TXNRD1: variants seen among roughly 807,000 people sequenced by gnomAD.
TXNRD1 encodes the protein thioredoxin reductase 1, cytoplasmic.
TXNRD1 carries 57 observed loss-of-function variants against 80.3 expected under a neutral mutation model. That is an observed-to-expected ratio of 0.71 (90% CI 0.57 to 0.89). The LOEUF (loss-of-function observed/expected upper bound fraction) is 0.89, where lower values mean the gene tolerates loss of function less well. Ranked by LOEUF, TXNRD1 falls within the 40% of genes least tolerant of loss-of-function variation. TXNRD1 has a pLI of 0.00. For missense variants in TXNRD1, 730 were observed against 803.0 expected, an observed-to-expected ratio of 0.91 and a Z score of 1.10; for synonymous variants, 291 against 285.2, an observed-to-expected ratio of 1.02 and a Z score of -0.20.
At chr12:104,310,533 G>T (rs2035097237) in intron 4 of TXNRD1, among the ~76,000 whole-genome samples, 1 of 152,016 alleles carries the variant, frequency 6.6e-6, no homozygotes, top group African/African-American at 2.4e-5. Flanking sequence ...TTTTATTTTA[G>T]TAAGCGATAA....
In TXNRD1 at chr12:104,348,434, A is replaced by G; in HGVS notation, c.*13A>G. The G allele has an allele frequency of 6.2e-7, 1 of 1,613,774 alleles. No homozygotes were observed. Among genetic ancestry groups the G allele is most frequent in the Non-Finnish European group, 8.5e-7 (1 of 1,179,732 alleles). On this transcript the variant is annotated 3_prime_UTR_variant, in exon 17 of 17. Transcript: ENST00000525566. ...CTGCTGAGGTTAAGCCCCAGTGTGGATGCTGTTGCCAAGACTGCAAACCAC... is the reference window on the plus strand; with the variant it reads ...CTGCTGAGGTTAAGCCCCAGTGTGGGTGCTGTTGCCAAGACTGCAAACCAC...
At chr12:104,289,402 G>A (rs368461915) in intron 4 of TXNRD1, 1 of 172,278 alleles carries the variant, frequency 5.8e-6, no homozygotes, top group East Asian at 1.5e-4. Context: ...TGAGAAAAGG[G>A]GATCAGGAAA....
chr12:104,218,067 C>G (rs541869081), intron 1 of TXNRD1, among the ~76,000 whole-genome samples: 1 of 151,678 alleles, frequency 6.6e-6, no homozygotes, highest in Non-Finnish European at 1.5e-5. Context: ...CTTGCTCTAT[C>G]GCCAGGCTGG....
intron 4 of TXNRD1, among the ~76,000 whole-genome samples, chr12:104,309,165 G>A (rs773214555): frequency 1.1e-4 from 16 of 152,148 alleles, no homozygotes; most frequent in Non-Finnish European, 2.2e-4. Flanking sequence ...CTCCCAAAGT[G>A]CTGGGATTAC....
At chr12:104,246,592 G>T (rs549363209) in intron 1 of TXNRD1, among the ~76,000 whole-genome samples, 17 of 147,944 alleles carry the variant, frequency 1.1e-4, no homozygotes, top group Non-Finnish European at 2.2e-4. Context: ...GTGCGATCTC[G>T]GTTCACTGCA....
At chr12:104,274,724 A>AAT (rs1251648941) in intron 3 of TXNRD1, among the ~76,000 whole-genome samples, 100 of 142,822 alleles carry the variant, frequency 7.0e-4, no homozygotes, top group Non-Finnish European at 1.2e-3. Context: ...ATAATAAAAA[A>AAT]AATAATAATA....
At chr12:104,287,743 A>T (rs2034025125) in intron 3 of TXNRD1, among the ~76,000 whole-genome samples, 1 of 152,152 alleles carries the variant, frequency 6.6e-6, no homozygotes, top group African/African-American at 2.4e-5. Flanking sequence ...CAGGACAGTG[A>T]TTAAACGCGT....
chr12:104,327,506 A>C lies in TXNRD1; in HGVS notation c.1386-9A>C. 2 of 1,605,032 alleles carry C rather than the reference A, an allele frequency of 1.2e-6. No individual in the cohort carries two copies. The highest frequency in any genetic ancestry group is 1.7e-6 in the Non-Finnish European group (2 of 1,174,058). ...ATTAATGATGATTTTTAACTGAATA[A>C]AATTGCAGGACTGGAAAAATACCTG... On this transcript the variant is annotated splice_polypyrimidine_tract_variant and intron_variant, in intron 12 of 16. Coordinates refer to ENST00000525566, the MANE Select transcript of TXNRD1 (RefSeq NM_001093771.3).
intron 3 of TXNRD1, among the ~76,000 whole-genome samples, chr12:104,270,870 C>A (rs12302216): frequency 1.2e-4 from 18 of 151,938 alleles, no homozygotes; most frequent in Non-Finnish European, 2.5e-4. Flanking sequence ...ATTAACTAGC[C>A]GGGTGTGGTG....
Position 104,265,611 on chromosome 12 carries a change from C to A in TXNRD1, c.304+7532C>A, listed in dbSNP as rs910589351. 11 of 1,607,430 alleles carry A rather than the reference C, an allele frequency of 6.8e-6. No homozygotes were observed. In the African/African-American group the frequency reaches 1.5e-4, roughly 21 times the overall value. On this transcript the variant is annotated intron_variant, in intron 3 of 16. Coordinates refer to ENST00000525566, the MANE Select transcript of TXNRD1 (RefSeq NM_001093771.3). The stretch of plus-strand genomic sequence containing the variant: ...TGTACCGGGAATACCGGGACCTGAC[C>A]ACCGCAGGCGCTGTCACCCAGTGCT...
intron 1 of TXNRD1, among the ~76,000 whole-genome samples, chr12:104,245,604 G>C (rs1467429552): frequency 2.8e-5 from 4 of 141,928 alleles, no homozygotes; most frequent in Non-Finnish European, 4.5e-5. Context: ...ATCCGAGATG[G>C]AGCCACTGCA....
intron 1 of TXNRD1, among the ~76,000 whole-genome samples, chr12:104,221,890 G>A (rs2032365807): frequency 6.6e-6 from 1 of 152,140 alleles, no homozygotes; most frequent in Admixed American, 6.6e-5. Flanking sequence ...GGGACAGGCA[G>A]GTCATATAAA....
intron 16 of TXNRD1, among the ~76,000 whole-genome samples, chr12:104,346,795 A>G (rs1391872484): frequency 2.0e-5 from 3 of 152,098 alleles, no homozygotes; most frequent in Admixed American, 6.6e-5. Context: ...TATAATGAGT[A>G]TAAAAAGGAT....
rs34505052 is a variant in TXNRD1, at chr12:104,246,119, CAAA to C, written c.92-5392_92-5390del. ...TGGGCGATACAGCGAGACTCTGTCT[CAAA>C]AAAAAAAAAAAAAAACTTTTCCCAG... On this transcript the variant is annotated intron_variant, in intron 1 of 16. Coordinates refer to ENST00000525566, the MANE Select transcript of TXNRD1 (RefSeq NM_001093771.3). Among the ~76,000 whole-genome samples, 4 of 82,862 alleles carry C rather than the reference CAAA, an allele frequency of 4.8e-5. 1 individual carries two copies. The highest frequency in any genetic ancestry group is 2.0e-4 in the African/African-American group (4 of 20,260). The allele number at this position is 82,862 out of a possible 152,430, so 54.4% of individuals were successfully genotyped here.
intron 14 of TXNRD1, among the ~76,000 whole-genome samples, chr12:104,333,204 T>C (rs994625946): frequency 5.3e-5 from 8 of 152,084 alleles, no homozygotes; most frequent in African/African-American, 1.9e-4. Context: ...TGTTTCTCAG[T>C]TTATTTTTTG....
At chr12:104,292,347 T>C (rs931358542) in intron 4 of TXNRD1, among the ~76,000 whole-genome samples, 10 of 152,124 alleles carry the variant, frequency 6.6e-5, no homozygotes, top group East Asian at 1.9e-4. Context: ...CCGAGTTCTT[T>C]TGAAGTAGAC....
intron 3 of TXNRD1, chr12:104,265,751 C>T: frequency 6.3e-7 from 1 of 1,596,546 alleles, no homozygotes; most frequent in Non-Finnish European, 8.5e-7. Context: ...TTCCACGACT[C>T]CAAGATCAAG....
intron 16 of TXNRD1, among the ~76,000 whole-genome samples, chr12:104,342,460 C>T (rs2036358680): frequency 1.3e-5 from 2 of 152,158 alleles, no homozygotes; most frequent in African/African-American, 2.4e-5. Context: ...TCTCATTTCA[C>T]AATATCGTAG....
intron 4 of TXNRD1, chr12:104,304,969 T>A (rs1376342123): frequency 6.5e-7 from 1 of 1,532,178 alleles, no homozygotes; most frequent in East Asian, 2.3e-5. Context: ...TTTTGTGTTT[T>A]TTTTCTGAAG....
Sources: gnomAD v4.1 joint callset for allele counts (sites outside exome capture counted in the v4.1 genomes callset) on GRCh38, gnomAD v4.1.1 for gene constraint, MANE v1.5 for transcripts, NCBI Gene and HGNC (gene_info 2026-07-23, HGNC 2026-07-21) for gene names.